The following NIN variants were observed in gnomAD, a reference collection of about 807,000 sequenced individuals.
NIN encodes the protein glycogen synthase kinase 3 beta-interacting protein.
In NIN, 137 loss-of-function variants were observed where a neutral mutation model predicts 257.6. That is an observed-to-expected ratio of 0.53 (90% CI 0.46 to 0.61). The LOEUF is 0.61. Among genes scored for constraint, NIN ranks in the 20% least tolerant of loss-of-function variants. The pLI is 0.00. For missense variants in NIN, 2,439 were observed against 2,501.2 expected, an observed-to-expected ratio of 0.98 and a Z score of 0.53; for synonymous variants, 918 against 919.8, an observed-to-expected ratio of 1.00 and a Z score of 0.04.
In NIN at chr14:50,739,364, T is replaced by G; in HGVS notation, c.5572A>C (p.Arg1858=). ...GTGTTCTGTACCATGGTCTGGAGCCTCTCATTCTCTTGCCAAAGCAGCTGC... is the reference window on the plus strand; with the variant it reads ...GTGTTCTGTACCATGGTCTGGAGCCGCTCATTCTCTTGCCAAAGCAGCTGC... ...EQQLLWQENE[R]LQTMVQNTKA... The change falls in exon 26 of 31, where the codon AGG becomes CGG. Residue 1858 remains arginine, a synonymous_variant. Coordinates refer to ENST00000530997, the MANE Select transcript of NIN (RefSeq NM_020921.4). The G allele has an allele frequency of 6.2e-7, 1 of 1,614,238 alleles. No homozygotes were observed. The highest frequency in any genetic ancestry group is 8.5e-7 in the Non-Finnish European group (1 of 1,180,044).
chr14:50,770,610 C>A (rs1393154027), intron 11 of NIN, 48 bp from the exon 12 acceptor site: 3 of 1,590,348 alleles, frequency 1.9e-6, no homozygotes, highest in Non-Finnish European at 1.7e-6. Flanking sequence ...TTTCAGAGGT[C>A]CCAGTATCAA....
intron 20 of NIN, among the ~76,000 whole-genome samples, chr14:50,752,941 C>T (rs2041855941): frequency 1.3e-5 from 2 of 152,090 alleles, no homozygotes; most frequent in South Asian, 4.1e-4. Context: ...TCAGTCTGAC[C>T]CCACTCTACA....
intron 5 of NIN, among the ~76,000 whole-genome samples, chr14:50,779,225 TACAACCATGA>T (rs889072991): frequency 1.3e-5 from 2 of 152,222 alleles, no homozygotes; most frequent in African/African-American, 4.8e-5. Context: ...GTCTTGGTAA[TACAACCATGA>T]ACAACCATGA....
At chr14:50,821,539 T>C (rs943664008) in intron 3 of NIN, among the ~76,000 whole-genome samples, 5 of 152,224 alleles carry the variant, frequency 3.3e-5, no homozygotes, top group Non-Finnish European at 5.9e-5. Flanking sequence ...TTCTCTTCAA[T>C]GGAAATCTCA....
chr14:50,809,339 G>A (rs529030022), intron 3 of NIN, among the ~76,000 whole-genome samples: 3 of 152,306 alleles, frequency 2.0e-5, no homozygotes, highest in Admixed American at 6.5e-5. Flanking sequence ...CTGAGGGCCT[G>A]CCTTCTCCTC....
chr14:50,791,805 G>GCACACACACAAACACACA (rs1254307573), intron 5 of NIN, among the ~76,000 whole-genome samples: 1 of 23,066 alleles, frequency 4.3e-5, no homozygotes, highest in East Asian at 2.5e-3. Context: ...ACAGGTGCAC[G>GCACACACACAAACACACA]CGCACACACA....
chr14:50,798,687 C>A (rs1252159531), intron 4 of NIN, among the ~76,000 whole-genome samples: 1 of 152,230 alleles, frequency 6.6e-6, no homozygotes, highest in Non-Finnish European at 1.5e-5. Flanking sequence ...AAGGGGAACT[C>A]AAAACTCATT....
intron 24 of NIN, 32 bp from the exon 25 acceptor site, chr14:50,741,760 A>G: frequency 1.2e-6 from 2 of 1,607,782 alleles, no homozygotes; most frequent in Non-Finnish European, 8.5e-7. Context: ...TTACTGCTAC[A>G]CAAACTCTTG....
Position 50,752,588 on chromosome 14 carries a change from T to C in NIN, c.4880A>G (p.Asn1627Ser), listed in dbSNP as rs1348865017. The change falls in exon 21 of 31, where the codon AAC becomes AGC. Residue 1627 changes from asparagine to serine, a missense_variant. Asn to Ser is a conservative substitution (Grantham distance 46). Coordinates refer to ENST00000530997, the MANE Select transcript of NIN (RefSeq NM_020921.4). ...TTGTTCCCGTTCCTCCAATGCACTG[T>C]TTCCTGGCTCTTTTTCCTTCTGGCA... ...MLCQKEKEPG[N>S]SALEEREQEK... 1 of 1,614,162 alleles carries C rather than the reference T, an allele frequency of 6.2e-7. No individual in the cohort carries two copies. Among genetic ancestry groups the C allele is most frequent in the South Asian group, 1.1e-5 (1 of 91,082 alleles).
intron 5 of NIN, among the ~76,000 whole-genome samples, chr14:50,791,315 C>T (rs1324852114): frequency 1.3e-5 from 2 of 152,162 alleles, no homozygotes; most frequent in Non-Finnish European, 2.9e-5. Flanking sequence ...GGAAAGACCC[C>T]TATCTCAATT....
In NIN at chr14:50,722,907, A is replaced by C. The variant is rs964057273; in HGVS notation, c.*556T>G. ...GTGTTAGAAGGTTAGAATTCTACAG[A>C]TTTGGGTTTGTCTGATGTCAGCGGT... On this transcript the variant is annotated 3_prime_UTR_variant, in exon 31 of 31. Coordinates refer to ENST00000530997, the MANE Select transcript of NIN (RefSeq NM_020921.4). 4 of 214,934 alleles carry C rather than the reference A, an allele frequency of 1.9e-5. No homozygotes were observed. Among genetic ancestry groups the C allele is most frequent in the Non-Finnish European group, 3.8e-5 (4 of 106,534 alleles). The allele number at this position is 214,934 out of a possible 1,614,324, so 13.3% of individuals were successfully genotyped here. A position where few individuals can be genotyped will look rare whatever the true frequency, so the allele number is the denominator to read the frequency against.
intron 29 of NIN, 26 bp from the exon 30 acceptor site, chr14:50,726,092 C>T (rs999057349): frequency 6.4e-6 from 10 of 1,555,326 alleles, no homozygotes; most frequent in Middle Eastern, 3.5e-4. Flanking sequence ...GTATATTATT[C>T]GAAAATCATG....
At position 50,777,081 on chromosome 14, in the gene NIN, A is replaced by C. The variant is rs1027267466; in HGVS notation, c.534T>G (p.Pro178=). 4 of 1,613,760 alleles carry C rather than the reference A, an allele frequency of 2.5e-6. No individual in the cohort carries two copies. In the African/African-American group the frequency reaches 5.3e-5, roughly 22 times the overall value. ...GTTTCTCTTCTATCCAGTCTTGGGGAGGGGAAGATCCACTCTGTGAAGCAT... is the reference window on the plus strand; with the variant it reads ...GTTTCTCTTCTATCCAGTCTTGGGGCGGGGAAGATCCACTCTGTGAAGCAT... The part of the protein sequence containing the change: ...DLNASQSGSS[P]PQDWIEEKLQ... The change falls in exon 7 of 31, where the codon CCT becomes CCG. Residue 178 remains proline, a synonymous_variant. Coordinates refer to ENST00000530997, the MANE Select transcript of NIN (RefSeq NM_020921.4).
intron 4 of NIN, chr14:50,806,133 C>T (rs1320129956): frequency 2.0e-5 from 3 of 152,134 alleles, no homozygotes; most frequent in Admixed American, 6.5e-5. Context: ...TGTCTTACAA[C>T]CTATGGTGCT....
rs777435695 is a variant in NIN, at chr14:50,757,808, A to G, written c.3222T>C (p.His1074=). 2.9e-5 allele frequency: 47 copies of G among 1,614,132 alleles called. No individual in the cohort carries two copies. Among genetic ancestry groups the G allele is most frequent in the Non-Finnish European group, 3.7e-5 (44 of 1,180,030 alleles). ...GDVLLSLQRA[H]EQAVKENVKM... ...TCACATTTTCCTTCACTGCCTGTTC[A>G]TGAGCTCTCTGCAGGCTTAAGAGGA... is the stretch of plus-strand genomic sequence containing the variant. The change falls in exon 18 of 31, where the codon CAT becomes CAC. Residue 1074 remains histidine (H), a synonymous_variant. Coordinates refer to ENST00000530997, the MANE Select transcript of NIN (RefSeq NM_020921.4).
chr14:50,742,144 T>G (rs1237719034), intron 24 of NIN: 1 of 154,470 alleles, frequency 6.5e-6, no homozygotes, highest in African/African-American at 2.4e-5. Context: ...CTAGGCATGG[T>G]GGCCCACACC....
chr14:50,752,538 GTTC>G lies in NIN; in HGVS notation c.4927_4929del (p.Glu1643del). The G allele has an allele frequency of 2.5e-6, 4 of 1,613,796 alleles. No homozygotes were observed. The highest frequency in any genetic ancestry group is 3.4e-6 in the Non-Finnish European group (4 of 1,179,792). The stretch of plus-strand genomic sequence containing the variant: ...CATACCTGCACTTTACAACGTTCCA[GTTC>G]TTCTTTCAGATTAAACTTCTCTTGT... On this transcript the variant is annotated inframe_deletion, in exon 21 of 31. Coordinates refer to ENST00000530997, the MANE Select transcript of NIN (RefSeq NM_020921.4).
rs1431283544 is a variant in NIN at position 50,739,353 on chromosome 14, G to T, written c.5583C>A (p.Thr1861=). Residue 1861 remains threonine, a synonymous_variant, in exon 26 of 31, where the codon ACC becomes ACA. Transcript: ENST00000530997. ...GTTCGGCTTTGGTGTTCTGTACCAT[G>T]GTCTGGAGCCTCTCATTCTCTTGCC... ...LLWQENERLQ[T]MVQNTKAELT... The T allele has an allele frequency of 6.2e-7, 1 of 1,614,178 alleles. No individual in the cohort carries two copies. Among genetic ancestry groups the T allele is most frequent in the Non-Finnish European group, 8.5e-7 (1 of 1,180,040 alleles).
At position 50,771,000 on chromosome 14, in the gene NIN, C is replaced by A. The variant is rs745435461; in HGVS notation, c.1119-8G>T. The A allele has an allele frequency of 1.9e-6, 3 of 1,612,204 alleles. No individual in the cohort carries two copies. The highest frequency in any genetic ancestry group is 2.5e-6 in the Non-Finnish European group (3 of 1,179,300). ...ACCTGATCAACTCGTTCCCTAGGATCAGAAGTACACTGAGTTAATGGGAAA... is the reference window on the plus strand; with the variant it reads ...ACCTGATCAACTCGTTCCCTAGGATAAGAAGTACACTGAGTTAATGGGAAA... On this transcript the variant is annotated splice_polypyrimidine_tract_variant and splice_region_variant and intron_variant, in intron 10 of 30. Transcript: ENST00000530997.
Sources: gnomAD v4.1 joint callset for allele counts (sites outside exome capture counted in the v4.1 genomes callset) on GRCh38, gnomAD v4.1.1 for gene constraint, MANE v1.5 for transcripts, NCBI Gene and HGNC (gene_info 2026-07-23, HGNC 2026-07-21) for gene names.